Variants in SIK3 observed in about 807,000 individuals in gnomAD.
SIK3 encodes the protein serine/threonine-protein kinase SIK3.
A neutral mutation model predicts 144.2 loss-of-function variants in SIK3; 28 were observed. The observed-to-expected ratio is 0.19, with a 90% CI of 0.14 to 0.27. The LOEUF (loss-of-function observed/expected upper bound fraction) is 0.27. Ranked by LOEUF, SIK3 falls within the 10% of genes least tolerant of loss-of-function variation. The pLI, the probability that SIK3 is intolerant of heterozygous loss-of-function variation, is 1.00. For missense variants in SIK3, 1,319 were observed against 1,776.0 expected, an observed-to-expected ratio of 0.74 and a Z score of 4.62; for synonymous variants, 686 against 676.3, an observed-to-expected ratio of 1.01 and a Z score of -0.22.
chr11:117,028,984 C>G (rs1170365153), intron 1 of SIK3, among the ~76,000 whole-genome samples: 1 of 119,184 alleles, frequency 8.4e-6, no homozygotes, highest in Admixed American at 8.1e-5. Context: ...TCTCGGCTCT[C>G]TGCAACTTCC....
At chr11:117,015,166 A>C (rs983049881) in intron 1 of SIK3, among the ~76,000 whole-genome samples, 32 of 152,232 alleles carry the variant, frequency 2.1e-4, no homozygotes, top group African/African-American at 7.5e-4. Context: ...AAAGACTTGA[A>C]TATCACAGCT....
rs567821303 is a variant in SIK3, at chr11:117,095,637, T to C, written c.273+2506A>G. Among the ~76,000 whole-genome samples, 75 of 152,306 alleles carry C rather than the reference T, an allele frequency of 4.9e-4. 1 individual carries two copies. The Middle Eastern group carries it at 0.01, about 21-fold the overall frequency. On this transcript the variant is annotated intron_variant, in intron 1 of 24. Transcript: ENST00000445177. ...ACAGCTGTTAGGCACATCTAAGCTGTCCGCATTTGAGAACCCCTTCCAAAG... is the reference window on the plus strand; with the variant it reads ...ACAGCTGTTAGGCACATCTAAGCTGCCCGCATTTGAGAACCCCTTCCAAAG...
chr11:116,919,130 T>C (rs908419336), intron 4 of SIK3, among the ~76,000 whole-genome samples: 1 of 152,212 alleles, frequency 6.6e-6, no homozygotes, highest in Non-Finnish European at 1.5e-5. Context: ...TAATGAGTAT[T>C]GCATAACTAC....
chr11:117,090,501 TC>T (rs142694635), intron 1 of SIK3, among the ~76,000 whole-genome samples: 31 of 152,238 alleles, frequency 2.0e-4, no homozygotes, highest in African/African-American at 7.5e-4. Context: ...GATGTCACCA[TC>T]CCTGGAAAGT....
At chr11:116,928,096 G>A (rs1454169371) in intron 3 of SIK3, among the ~76,000 whole-genome samples, 1 of 152,160 alleles carries the variant, frequency 6.6e-6, no homozygotes, top group Non-Finnish European at 1.5e-5. Flanking sequence ...CATTGGCCAT[G>A]TTGTTAACTA....
intron 1 of SIK3, among the ~76,000 whole-genome samples, chr11:117,006,309 G>C (rs1330177846): frequency 6.6e-6 from 1 of 152,168 alleles, no homozygotes; most frequent in Non-Finnish European, 1.5e-5. Context: ...TGATCAAGAG[G>C]GGCAGAGATT....
Position 117,000,711 on chromosome 11 carries a change from C to T in SIK3, c.274-43647G>A, listed in dbSNP as rs986646927. ...ACTTGTCCAATTTATTCAGACACTG[C>T]CAGGACCAGCTCCAAAGTGATTACC... On this transcript the variant is annotated intron_variant, in intron 1 of 24. Transcript: ENST00000445177. Among the ~76,000 whole-genome samples, 9 of 152,332 alleles carry T rather than the reference C, an allele frequency of 5.9e-5. No homozygotes were observed. In the East Asian group the frequency reaches 1.5e-3, roughly 26 times the overall value.
chr11:116,856,576 C>A (rs1401268732), intron 21 of SIK3, among the ~76,000 whole-genome samples: 1 of 152,222 alleles, frequency 6.6e-6, no homozygotes, highest in Non-Finnish European at 1.5e-5. Flanking sequence ...AGCTCCCACC[C>A]TCCTATGTCT....
At position 116,874,703 on chromosome 11, in the gene SIK3, G is replaced by A. The variant is rs1449554703; in HGVS notation, c.1427+455C>T. 2.0e-5 allele frequency among the ~76,000 whole-genome samples: 3 copies of A among 152,164 alleles called. No individual in the cohort carries two copies. In the East Asian group the frequency reaches 5.8e-4, roughly 29 times the overall value. On this transcript the variant is annotated intron_variant, in intron 11 of 24. Transcript: ENST00000445177. ...TGGGAGTCTTTTTTGGAAATTCACT[G>A]GAAGAAAAGAGATATTTATAAGAAA...
chr11:116,857,758 C>A (rs2134385730), intron 21 of SIK3, 52 bp downstream of exon 21: 1 of 1,579,436 alleles, frequency 6.3e-7, no homozygotes, highest in South Asian at 1.2e-5. Flanking sequence ...ATTACTGAGT[C>A]AGTTGATTAG....
chr11:116,947,937 CTTT>C (rs548891642), intron 3 of SIK3, among the ~76,000 whole-genome samples: 1 of 133,802 alleles, frequency 7.5e-6, no homozygotes. Flanking sequence ...TCTAAGCTGA[CTTT>C]TTTTTTTTTT....
rs1031137732 is a variant in SIK3, at chr11:116,908,474, A to G, written c.617-11157T>C. On this transcript the variant is annotated intron_variant, in intron 4 of 24. Coordinates refer to ENST00000445177, the MANE Select transcript of SIK3 (RefSeq NM_001366686.3). ...AGCCTGGGTGATGGAGTGAGACCCT[A>G]TCTCAACAACCAACCAACCAATCAA... Among the ~76,000 whole-genome samples the G allele has an allele frequency of 2.6e-5, 4 of 152,164 alleles. No individual in the cohort carries two copies. In the South Asian group the frequency reaches 8.3e-4, roughly 32 times the overall value.
intron 1 of SIK3, among the ~76,000 whole-genome samples, chr11:117,024,425 T>C (rs1951925740): frequency 6.6e-6 from 1 of 151,432 alleles, no homozygotes; most frequent in African/African-American, 2.4e-5. Context: ...TTACTAAAAA[T>C]AGCCACCTTA....
intron 1 of SIK3, among the ~76,000 whole-genome samples, chr11:116,964,278 C>T (rs772012629): frequency 4.6e-5 from 7 of 152,216 alleles, no homozygotes; most frequent in South Asian, 2.1e-4. Context: ...TGGGGTTACA[C>T]GCAACAGCCA....
chr11:116,992,177 T>C (rs1950519690), intron 1 of SIK3, among the ~76,000 whole-genome samples: 1 of 151,628 alleles, frequency 6.6e-6, no homozygotes, highest in Non-Finnish European at 1.5e-5. Context: ...TACAAAAAAT[T>C]AGCCAGGCGT....
At position 116,999,599 on chromosome 11, in the gene SIK3, C is replaced by T. The variant is rs77348653; in HGVS notation, c.274-42535G>A. On this transcript the variant is annotated intron_variant, in intron 1 of 24. Transcript: ENST00000445177. ...ATTTTGTTTTCTTTTCTTTTCTTTT[C>T]TTTTTTGTTTTTTCAGTAGAGATGG... 6.5e-3 allele frequency among the ~76,000 whole-genome samples: 978 copies of T among 151,376 alleles called. 7 individuals carry two copies. Among genetic ancestry groups the T allele is most frequent in the Non-Finnish European group, 0.01 (688 of 67,766 alleles).
chr11:116,940,305 C>T (rs1410002017), intron 3 of SIK3, among the ~76,000 whole-genome samples: 2 of 151,222 alleles, frequency 1.3e-5, no homozygotes, highest in East Asian at 2.0e-4. Context: ...TCTTGGCTCA[C>T]TGCAACCTCT....
intron 1 of SIK3, among the ~76,000 whole-genome samples, chr11:117,062,771 TC>T (rs1406451625): frequency 2.0e-5 from 3 of 152,188 alleles, no homozygotes; most frequent in Non-Finnish European, 4.4e-5. Flanking sequence ...GGGAGGATTT[TC>T]CCAGAAAGAG....
chr11:116,992,320 C>CA (rs1206040700), intron 1 of SIK3, among the ~76,000 whole-genome samples: 6 of 144,962 alleles, frequency 4.1e-5, no homozygotes, highest in Admixed American at 1.4e-4. Flanking sequence ...GCAAGACCCC[C>CA]CCCCCCAAAA....
Sources: allele counts gnomAD v4.1 joint callset (sites outside exome capture counted in the v4.1 genomes callset), GRCh38; gene constraint gnomAD v4.1.1; transcripts MANE v1.5; gene names NCBI Gene and HGNC (gene_info 2026-07-23, HGNC 2026-07-21).